The following SEMA3C variants were observed in gnomAD, a reference collection of about 807,000 sequenced individuals.
The protein encoded by SEMA3C is semaphorin-3C.
SEMA3C carries 47 observed loss-of-function variants against 89.4 expected under a neutral mutation model. That is an observed-to-expected ratio of 0.53 (90% confidence interval 0.42 to 0.67). The LOEUF (loss-of-function observed/expected upper bound fraction) is 0.67, where lower values mean the gene tolerates loss of function less well. SEMA3C is among the 30% of genes least tolerant of loss of function. The pLI, the probability that SEMA3C is intolerant of heterozygous loss-of-function variation, is 0.00. For missense variants in SEMA3C, 839 were observed against 929.1 expected (o/e 0.90, Z 1.26); for synonymous variants, 310 against 320.2 (o/e 0.97, Z 0.34).
chr7:80,782,458 A>G (rs1384554263), intron 12 of SEMA3C, among the ~76,000 whole-genome samples: 1 of 152,236 alleles, frequency 6.6e-6, no homozygotes, highest in Non-Finnish European at 1.5e-5. Flanking sequence ...TGGATGAAAC[A>G]TTTAATTCAT....
rs768175054 is a variant in SEMA3C at position 80,916,793 on chromosome 7, T to C, written c.-12A>G. 1.9e-6 allele frequency: 3 copies of C among 1,613,176 alleles called. No individual in the cohort carries two copies. Among genetic ancestry groups the C allele is most frequent in the South Asian group, 1.1e-5 (1 of 91,024 alleles). ...GTCCGGAATGCCATTTCTTCAGATA[T>C]GCAAGTTAATATCCAAGGGAAAATA... On this transcript the variant is annotated 5_prime_UTR_variant, in exon 2 of 18. Coordinates refer to ENST00000265361, the MANE Select transcript of SEMA3C (RefSeq NM_006379.5).
intron 15 of SEMA3C, among the ~76,000 whole-genome samples, chr7:80,753,504 C>T (rs1004672605): frequency 6.6e-6 from 1 of 151,848 alleles, no homozygotes; most frequent in East Asian, 2.0e-4. Flanking sequence ...AGCTTCTAGA[C>T]ATTGAAATGC....
At chr7:80,917,771 TC>T (rs1164058433) in intron 1 of SEMA3C, among the ~76,000 whole-genome samples, 4 of 152,062 alleles carry the variant, frequency 2.6e-5, no homozygotes, top group Non-Finnish European at 5.9e-5. Context: ...GACCCAAGAG[TC>T]CAGTAAAGAA....
At chr7:80,838,961 A>G (rs905924184) in intron 2 of SEMA3C, among the ~76,000 whole-genome samples, 1 of 152,092 alleles carries the variant, frequency 6.6e-6, no homozygotes, top group Non-Finnish European at 1.5e-5. Flanking sequence ...GTGTTGTGTA[A>G]TTCAATTAAA....
At chr7:80,920,910 G>T (rs1226204004), upstream of SEMA3C, among the ~76,000 whole-genome samples, 1 of 152,104 alleles carries the variant, frequency 6.6e-6, no homozygotes, top group African/African-American at 2.4e-5. Context: ...TATATATTAA[G>T]CAGGGAGAAG....
chr7:80,810,113 C>T (rs571938514), intron 6 of SEMA3C, among the ~76,000 whole-genome samples: 3 of 152,124 alleles, frequency 2.0e-5, no homozygotes, highest in Admixed American at 6.5e-5. Flanking sequence ...CAAAAAAATA[C>T]GTGGGCGAGG....
intron 2 of SEMA3C, among the ~76,000 whole-genome samples, chr7:80,837,774 T>G (rs1790167261): frequency 1.3e-5 from 2 of 152,170 alleles, no homozygotes; most frequent in Admixed American, 6.5e-5. Context: ...TTAGACAAAG[T>G]CAGGTCTCAG....
chr7:80,912,090 G>A (rs918459214), intron 2 of SEMA3C, among the ~76,000 whole-genome samples: 2 of 152,050 alleles, frequency 1.3e-5, no homozygotes, highest in South Asian at 4.1e-4. Flanking sequence ...TCATTTATTG[G>A]CAACAGAATC....
chr7:80,868,392 C>T (rs1192720361), intron 2 of SEMA3C, among the ~76,000 whole-genome samples: 5 of 152,030 alleles, frequency 3.3e-5, no homozygotes, highest in East Asian at 1.9e-4. Flanking sequence ...CTCAGCCTCC[C>T]GAGTAACTGG....
intron 2 of SEMA3C, among the ~76,000 whole-genome samples, chr7:80,855,691 G>A (rs1003671887): frequency 2.6e-5 from 4 of 152,128 alleles, no homozygotes; most frequent in African/African-American, 7.2e-5. Context: ...TCTCTCTTCT[G>A]AATCTCAAGG....
chr7:80,775,884 T>C (rs975182870), intron 12 of SEMA3C, among the ~76,000 whole-genome samples: 2 of 151,990 alleles, frequency 1.3e-5, no homozygotes, highest in South Asian at 4.1e-4. Context: ...TTCCTTTTTT[T>C]AAAAAAAATT....
chr7:80,770,304 C>T (rs1562867509), intron 12 of SEMA3C, among the ~76,000 whole-genome samples: 1 of 152,190 alleles, frequency 6.6e-6, no homozygotes, highest in African/African-American at 2.4e-5. Flanking sequence ...CATGCCCTTT[C>T]GTTTGAAGAT....
At chr7:80,828,904 T>C (rs1490730207) in intron 2 of SEMA3C, among the ~76,000 whole-genome samples, 159 bp from the exon 3 acceptor site, 1 of 152,202 alleles carries the variant, frequency 6.6e-6, no homozygotes, top group South Asian at 2.1e-4. Flanking sequence ...GCTAGTTCCC[T>C]GTAATCTCAG....
chr7:80,754,152 C>T (rs1324515411), intron 15 of SEMA3C, among the ~76,000 whole-genome samples: 1 of 152,104 alleles, frequency 6.6e-6, no homozygotes, highest in Non-Finnish European at 1.5e-5. Context: ...GGTCAGGCTG[C>T]TCTCCAACTC....
rs60567057 is a variant in SEMA3C, at chr7:80,882,944, T to TAACAAC, written c.103+33729_103+33734dup. Among the ~76,000 whole-genome samples, 56 of 151,222 alleles carry TAACAAC rather than the reference T, an allele frequency of 3.7e-4. 1 individual carries two copies. The highest frequency in any genetic ancestry group is 1.3e-3 in the African/African-American group (52 of 41,212). On this transcript the variant is annotated intron_variant, in intron 2 of 17. Transcript: ENST00000265361. ...TGACATTTACCTAAACCCTCTTATATAACAACAACAACAACAACAACAACA... is the reference window on the plus strand; with the variant it reads ...TGACATTTACCTAAACCCTCTTATATAACAACAACAACAACAACAACAACAACAACA...
In SEMA3C at chr7:80,823,757, T is replaced by C. The variant is rs551748392; in HGVS notation, c.327+3668A>G. On this transcript the variant is annotated intron_variant, in intron 4 of 17. Coordinates refer to ENST00000265361, the MANE Select transcript of SEMA3C (RefSeq NM_006379.5). The stretch of plus-strand genomic sequence containing the variant: ...AATATATATAATCCTACTTAATTTT[T>C]CAACCGTCTCCTATAGTATTTACAT... 5.3e-5 allele frequency among the ~76,000 whole-genome samples: 8 copies of C among 152,266 alleles called. No individual in the cohort carries two copies. In the South Asian group the frequency reaches 1.7e-3, roughly 32 times the overall value.
intron 4 of SEMA3C, among the ~76,000 whole-genome samples, chr7:80,819,248 C>A (rs554731599): frequency 6.6e-6 from 1 of 151,862 alleles, no homozygotes; most frequent in South Asian, 2.1e-4. Flanking sequence ...GCTTATTCCA[C>A]TGATTTATTT....
At chr7:80,820,652 A>G (rs1789725644) in intron 4 of SEMA3C, among the ~76,000 whole-genome samples, 1 of 152,172 alleles carries the variant, frequency 6.6e-6, no homozygotes, top group Non-Finnish European at 1.5e-5. Flanking sequence ...TAAGACATTA[A>G]GGATTTTTGT....
chr7:80,804,621 G>A (rs1395848017), intron 7 of SEMA3C, among the ~76,000 whole-genome samples: 1 of 152,244 alleles, frequency 6.6e-6, no homozygotes, highest in East Asian at 1.9e-4. Flanking sequence ...AGAATGAGGA[G>A]TTGGAAGTCC....
Sources: gnomAD v4.1 joint callset for allele counts (sites outside exome capture counted in the v4.1 genomes callset) on GRCh38, gnomAD v4.1.1 for gene constraint, MANE v1.5 for transcripts, NCBI Gene and HGNC (gene_info 2026-07-23, HGNC 2026-07-21) for gene names.